The following NOL4 variants were observed in gnomAD, a reference collection of about 807,000 sequenced individuals.
NOL4 encodes the protein nucleolar protein 4.
NOL4 carries 17 observed loss-of-function variants against 75.9 expected under a neutral mutation model. That is an observed-to-expected ratio of 0.22 (90% CI 0.15 to 0.34). NOL4 has a LOEUF of 0.34. Among genes scored for constraint, NOL4 ranks in the 10% least tolerant of loss-of-function variants. NOL4 has a pLI of 1.00. For synonymous variants in NOL4, 292 were observed against 289.9 expected, an observed-to-expected ratio of 1.01 and a Z score of -0.07; for missense variants, 614 against 793.5, an observed-to-expected ratio of 0.77 and a Z score of 2.72.
chr18:33,984,615 C>T (rs1400946554), intron 6 of NOL4, among the ~76,000 whole-genome samples: 2 of 152,086 alleles, frequency 1.3e-5, no homozygotes, highest in African/African-American at 4.8e-5. Flanking sequence ...TGCTCCTGCT[C>T]TGGCCATGTA....
chr18:33,901,322 G>A (rs983401502), intron 9 of NOL4, among the ~76,000 whole-genome samples: 1 of 152,218 alleles, frequency 6.6e-6, no homozygotes. Context: ...ATGCTCATGA[G>A]TTAACTTTAA....
chr18:33,981,998 G>T (rs1043417625), intron 6 of NOL4, among the ~76,000 whole-genome samples: 4 of 151,990 alleles, frequency 2.6e-5, no homozygotes, highest in Admixed American at 2.6e-4. Context: ...AGTTCATTGT[G>T]AATGTCTATT....
intron 5 of NOL4, among the ~76,000 whole-genome samples, chr18:34,057,083 C>T (rs982491396): frequency 1.3e-5 from 2 of 152,142 alleles, no homozygotes; most frequent in Non-Finnish European, 2.9e-5. Context: ...TGAACCCTGA[C>T]ATGTCCCTCT....
chr18:34,208,524 T>C (rs1359234181), intron 1 of NOL4, among the ~76,000 whole-genome samples: 1 of 152,084 alleles, frequency 6.6e-6, no homozygotes, highest in Admixed American at 6.5e-5. Context: ...AGTTGTAATA[T>C]ACAAACAGAC....
At chr18:33,937,198 G>C (rs1036764032) in intron 9 of NOL4, among the ~76,000 whole-genome samples, 1 of 152,094 alleles carries the variant, frequency 6.6e-6, no homozygotes, top group Admixed American at 6.6e-5. Context: ...TCCTGATGAA[G>C]GAGCAGTAGG....
chr18:33,972,440 G>A (rs2071146265), intron 6 of NOL4, among the ~76,000 whole-genome samples: 1 of 152,080 alleles, frequency 6.6e-6, no homozygotes, highest in Non-Finnish European at 1.5e-5. Context: ...CATTAGGATG[G>A]CAACTATATA....
At chr18:34,038,220 T>C (rs1376484341) in intron 5 of NOL4, among the ~76,000 whole-genome samples, 1 of 151,984 alleles carries the variant, frequency 6.6e-6, no homozygotes, top group Non-Finnish European at 1.5e-5. Context: ...AGAATGGCTA[T>C]TATAAAAAAT....
chr18:33,908,409 G>T (rs2066194021), intron 9 of NOL4, among the ~76,000 whole-genome samples: 1 of 152,092 alleles, frequency 6.6e-6, no homozygotes, highest in Non-Finnish European at 1.5e-5. Flanking sequence ...TGGCTGAGCA[G>T]AATGAAGAAC....
intron 5 of NOL4, among the ~76,000 whole-genome samples, chr18:34,047,558 CAT>C (rs2076437312): frequency 6.6e-6 from 1 of 152,110 alleles, no homozygotes; most frequent in African/African-American, 2.4e-5. Context: ...GTAAAATCTA[CAT>C]AGTTTTGAAA....
intron 1 of NOL4, among the ~76,000 whole-genome samples, chr18:34,165,254 A>AATAAC (rs2032183813): frequency 2.0e-5 from 3 of 151,842 alleles, no homozygotes; most frequent in Admixed American, 2.0e-4. Flanking sequence ...AATAAAATAA[A>AATAAC]ATAAAATAAA....
intron 1 of NOL4, among the ~76,000 whole-genome samples, chr18:34,187,599 G>A (rs2034587140): frequency 6.6e-6 from 1 of 151,946 alleles, no homozygotes; most frequent in Admixed American, 6.6e-5. Flanking sequence ...GTGTTAGCCA[G>A]GATGGTCTCG....
At chr18:34,087,154 TC>T (rs1216796233) in intron 5 of NOL4, among the ~76,000 whole-genome samples, 3 of 152,120 alleles carry the variant, frequency 2.0e-5, no homozygotes, top group Non-Finnish European at 4.4e-5. Flanking sequence ...CACACAATTG[TC>T]TTAGTCATCC....
intron 5 of NOL4, among the ~76,000 whole-genome samples, chr18:34,083,637 T>C (rs1450585553): frequency 6.6e-6 from 1 of 152,222 alleles, no homozygotes; most frequent in Non-Finnish European, 1.5e-5. Context: ...TCCAAAGTTG[T>C]CAATAATACT....
At chr18:33,894,473 T>C (rs189407715) in intron 9 of NOL4, among the ~76,000 whole-genome samples, 22 of 152,238 alleles carry the variant, frequency 1.4e-4, no homozygotes, top group Admixed American at 4.6e-4. Flanking sequence ...CTTTGTTCTT[T>C]ACAAAGATGC....
intron 6 of NOL4, among the ~76,000 whole-genome samples, chr18:33,965,578 G>A (rs2070516936): frequency 6.6e-6 from 1 of 152,174 alleles, no homozygotes; most frequent in African/African-American, 2.4e-5. Flanking sequence ...CCCAGTGGGA[G>A]GTAGTTTAAC....
chr18:34,166,249 C>T (rs996121311), intron 1 of NOL4, among the ~76,000 whole-genome samples: 6 of 151,938 alleles, frequency 3.9e-5, no homozygotes, highest in Non-Finnish European at 7.4e-5. Context: ...CCAGTGGATA[C>T]CAAGGAATTT....
At chr18:34,209,238 T>C (rs1013966404) in intron 1 of NOL4, among the ~76,000 whole-genome samples, 4 of 149,432 alleles carry the variant, frequency 2.7e-5, no homozygotes, top group Non-Finnish European at 6.0e-5. Flanking sequence ...TCACATGTTA[T>C]ATAGAAATGG....
intron 1 of NOL4, among the ~76,000 whole-genome samples, chr18:34,136,889 A>G (rs2145954094): frequency 6.6e-6 from 1 of 152,244 alleles, no homozygotes; most frequent in East Asian, 1.9e-4. Context: ...TTCGGAGTTC[A>G]TACACTTCTT....
chr18:34,047,993 G>T (rs1056102391), intron 5 of NOL4, among the ~76,000 whole-genome samples: 1 of 152,024 alleles, frequency 6.6e-6, no homozygotes, highest in Non-Finnish European at 1.5e-5. Context: ...CTTCTAAATG[G>T]ATTTTTAAAA....
Sources: allele counts gnomAD v4.1 joint callset (sites outside exome capture counted in the v4.1 genomes callset), GRCh38; gene constraint gnomAD v4.1.1; transcripts MANE v1.5; gene names NCBI Gene and HGNC (gene_info 2026-07-23, HGNC 2026-07-21).